The following ULK4 variants were observed in gnomAD, a reference collection of about 807,000 sequenced individuals.
The protein encoded by ULK4 is unc-51 like kinase 4, also known as inactive serine/threonine-protein kinase ULK4.
Under a neutral mutation model 160.6 loss-of-function variants are expected in ULK4, and 133 were observed. The observed-to-expected ratio is 0.83, with a 90% CI of 0.72 to 0.96. The LOEUF is 0.96. Ranked by LOEUF, ULK4 falls within the 40% of genes least tolerant of loss-of-function variation. The probability of loss-of-function intolerance (pLI) is 0.00; values close to 1 mark genes in which losing one functional copy is unlikely to be tolerated. For missense variants in ULK4, 1,580 were observed against 1,499.5 expected (o/e 1.05, Z -0.89); for synonymous variants, 534 against 539.8 (o/e 0.99, Z 0.15).
At chr3:41,422,251 T>C (rs547705681) in intron 34 of ULK4, among the ~76,000 whole-genome samples, 27 of 152,248 alleles carry the variant, frequency 1.8e-4, no homozygotes, top group African/African-American at 6.5e-4. Context: ...AAAATTCTGA[T>C]TGGTTGTCTT....
intron 27 of ULK4, among the ~76,000 whole-genome samples, chr3:41,691,507 G>C (rs1287310177): frequency 6.6e-6 from 1 of 151,772 alleles, no homozygotes; most frequent in Non-Finnish European, 1.5e-5. Flanking sequence ...TCTTTCTTCT[G>C]AGGAGGCAAG....
chr3:41,352,712 T>G (rs2080935312), intron 35 of ULK4, among the ~76,000 whole-genome samples: 1 of 152,090 alleles, frequency 6.6e-6, no homozygotes, highest in African/African-American at 2.4e-5. Flanking sequence ...GCTGAGATCC[T>G]CTTTGCTTAA....
chr3:41,765,805 T>C (rs2039142931), intron 21 of ULK4, among the ~76,000 whole-genome samples: 1 of 152,172 alleles, frequency 6.6e-6, no homozygotes, highest in Non-Finnish European at 1.5e-5. Flanking sequence ...AGAATCACTA[T>C]CTTTATCATA....
At chr3:41,413,080 T>C (rs1250992914) in intron 34 of ULK4, among the ~76,000 whole-genome samples, 2 of 152,050 alleles carry the variant, frequency 1.3e-5, no homozygotes, top group Non-Finnish European at 2.9e-5. Context: ...CTCACAATCA[T>C]GGCGGAAGGT....
At chr3:41,505,027 G>A (rs1233807706) in intron 32 of ULK4, among the ~76,000 whole-genome samples, 2 of 152,028 alleles carry the variant, frequency 1.3e-5, no homozygotes, top group African/African-American at 4.8e-5. Context: ...AGGTGTGCAC[G>A]GTCACACTGC....
intron 21 of ULK4, 48 bp from the exon 22 acceptor site, chr3:41,754,536 G>A: frequency 6.3e-7 from 1 of 1,584,230 alleles, no homozygotes; most frequent in Non-Finnish European, 8.6e-7. Flanking sequence ...AAAAAAATAG[G>A]GCAGTCTCAA....
chr3:41,681,668 A>G lies in ULK4; in HGVS notation c.2834-16T>C, dbSNP rs1559482073. On this transcript the variant is annotated splice_polypyrimidine_tract_variant and intron_variant, in intron 28 of 36. Transcript: ENST00000301831. ...CTCCACTCCACTTGAAAGAAAAAAA[A>G]AATGCCAAGAATGTGACTCCATGGA... 6.2e-7 allele frequency: 1 copy of G among 1,612,938 alleles called. No individual in the cohort carries two copies. The highest frequency in any genetic ancestry group is 8.5e-7 in the Non-Finnish European group (1 of 1,179,666).
chr3:41,279,465 C>T (rs923278179), intron 35 of ULK4, among the ~76,000 whole-genome samples: 3 of 152,044 alleles, frequency 2.0e-5, no homozygotes, highest in African/African-American at 7.2e-5. Context: ...GAGAACCCCA[C>T]AAAGATACTC....
At chr3:41,387,786 G>A (rs911858235) in intron 35 of ULK4, among the ~76,000 whole-genome samples, 7 of 152,220 alleles carry the variant, frequency 4.6e-5, no homozygotes, top group East Asian at 1.9e-4. Context: ...TTGGACATTT[G>A]GGTTGGTTCC....
intron 31 of ULK4, among the ~76,000 whole-genome samples, chr3:41,595,295 A>G (rs1559420642): frequency 6.6e-6 from 1 of 152,110 alleles, no homozygotes; most frequent in Non-Finnish European, 1.5e-5. Context: ...CTTCCTGCCC[A>G]CTGATCCTGC....
chr3:41,665,939 G>A (rs1450809611), intron 29 of ULK4, among the ~76,000 whole-genome samples: 1 of 152,164 alleles, frequency 6.6e-6, no homozygotes, highest in Non-Finnish European at 1.5e-5. Context: ...TCCCAACTAT[G>A]GTTTATTACA....
chr3:41,912,661 C>T (rs1698830457), intron 9 of ULK4, 146 bp downstream of exon 9: 4 of 634,134 alleles, frequency 6.3e-6, no homozygotes, highest in Non-Finnish European at 1.1e-5. Context: ...GTAAACTCCT[C>T]AAGCAACCCT....
chr3:41,590,899 A>T (rs951510001), intron 31 of ULK4, among the ~76,000 whole-genome samples: 1 of 152,168 alleles, frequency 6.6e-6, no homozygotes, highest in Non-Finnish European at 1.5e-5. Context: ...GAAAGGGGAA[A>T]AAAAGCTTTT....
At chr3:41,719,223 T>C (rs1374024634) in intron 22 of ULK4, among the ~76,000 whole-genome samples, 1 of 152,208 alleles carries the variant, frequency 6.6e-6, no homozygotes, top group African/African-American at 2.4e-5. Flanking sequence ...GTTCATGCTC[T>C]TAAATGCTGA....
At chr3:41,286,203 G>C (rs1371754788) in intron 35 of ULK4, among the ~76,000 whole-genome samples, 1 of 152,058 alleles carries the variant, frequency 6.6e-6, no homozygotes, top group African/African-American at 2.4e-5. Flanking sequence ...GGTGCATTAT[G>C]GTTAGTTTAT....
Position 41,635,612 on chromosome 3 carries a change from A to G in ULK4, c.3072-19895T>C, listed in dbSNP as rs186043386. ...CCCAATCTCTAAAATAATAGCTACC[A>G]TTTAGTGAGCATGTACTGTGTCACA... On this transcript the variant is annotated intron_variant, in intron 30 of 36. Transcript: ENST00000301831. Among the ~76,000 whole-genome samples the G allele has an allele frequency of 3.9e-5, 6 of 152,302 alleles. No individual in the cohort carries two copies. The East Asian group carries it at 1.2e-3, about 29-fold the overall frequency.
At chr3:41,882,038 C>G in intron 17 of ULK4, 1 of 595,178 alleles carries the variant, frequency 1.7e-6, no homozygotes, top group Non-Finnish European at 3.0e-6. Context: ...TCACATCACC[C>G]AGGGTGACCA....
chr3:41,506,767 A>AAAAAAAAAAAAAAAATAT lies in ULK4; in HGVS notation c.3227-43515_3227-43514insATATTTTTTTTTTTTTTT. 5.6e-4 allele frequency among the ~76,000 whole-genome samples: 32 copies of AAAAAAAAAAAAAAAATAT among 56,792 alleles called. 3 individuals carry two copies. Among genetic ancestry groups the AAAAAAAAAAAAAAAATAT allele is most frequent in the East Asian group, 8.2e-4 (1 of 1,216 alleles). 37.3% of individuals were successfully genotyped at this position (56,792 alleles called of 152,430 possible). ...AGCAATACACTGGAGTGTGATTTAAAATATATATATATATATATATATATA... is the reference window on the plus strand; with the variant it reads ...AGCAATACACTGGAGTGTGATTTAAAAAAAAAAAAAAAAAATATATATATATATATATATATATATATA... On this transcript the variant is annotated intron_variant, in intron 32 of 36. Coordinates refer to ENST00000301831, the MANE Select transcript of ULK4 (RefSeq NM_017886.4).
intron 35 of ULK4, among the ~76,000 whole-genome samples, chr3:41,251,741 C>A (rs915482343): frequency 2.6e-5 from 4 of 152,204 alleles, no homozygotes; most frequent in Non-Finnish European, 5.9e-5. Context: ...GCAAGAGGAG[C>A]CTGCAACCAG....
Sources: gnomAD v4.1 joint callset for allele counts (sites outside exome capture counted in the v4.1 genomes callset) on GRCh38, gnomAD v4.1.1 for gene constraint, MANE v1.5 for transcripts, NCBI Gene and HGNC (gene_info 2026-07-23, HGNC 2026-07-21) for gene names.